The following GRAMD1C variants were observed in gnomAD, a reference collection of about 807,000 sequenced individuals.
GRAMD1C encodes protein Aster-C.
In GRAMD1C, 89 loss-of-function variants were observed where a neutral mutation model predicts 97.8. The observed-to-expected ratio is 0.91, with a 90% confidence interval of 0.77 to 1.09. The LOEUF (loss-of-function observed/expected upper bound fraction) is 1.09, where lower values mean the gene tolerates loss of function less well. Ranked by LOEUF, GRAMD1C falls within the 50% of genes least tolerant of loss-of-function variation. The probability of loss-of-function intolerance (pLI) is 0.00; values close to 1 mark genes in which losing one functional copy is unlikely to be tolerated. For synonymous variants in GRAMD1C, 256 were observed against 267.0 expected (o/e 0.96, Z 0.40); for missense variants, 740 against 766.4 (o/e 0.97, Z 0.41).
At chr3:113,904,485 G>C (rs1408427231) in intron 8 of GRAMD1C, among the ~76,000 whole-genome samples, 2 of 152,146 alleles carry the variant, frequency 1.3e-5, no homozygotes, top group Non-Finnish European at 2.9e-5. Context: ...CAGAGCTACC[G>C]AGCAGTTTTA....
chr3:113,925,268 T>A (rs1321179153), intron 10 of GRAMD1C, among the ~76,000 whole-genome samples: 1 of 152,130 alleles, frequency 6.6e-6, no homozygotes, highest in Non-Finnish European at 1.5e-5. Flanking sequence ...GGCAGGCAGA[T>A]CACAAGGTCA....
chr3:113,855,071 G>A (rs557916289), intron 2 of GRAMD1C, among the ~76,000 whole-genome samples: 5 of 152,280 alleles, frequency 3.3e-5, no homozygotes, highest in South Asian at 2.1e-4. Context: ...CAGCAATTTG[G>A]GGGGCCGAGG....
At chr3:113,923,418 T>G (rs1213005540) in intron 10 of GRAMD1C, among the ~76,000 whole-genome samples, 1 of 152,192 alleles carries the variant, frequency 6.6e-6, no homozygotes, top group Non-Finnish European at 1.5e-5. Flanking sequence ...CATAGGTGAC[T>G]CTTATTATTT....
At chr3:113,853,331 T>C (rs1577127664) in intron 2 of GRAMD1C, among the ~76,000 whole-genome samples, 1 of 152,138 alleles carries the variant, frequency 6.6e-6, no homozygotes, top group Admixed American at 6.5e-5. Context: ...AGAGAAAGTA[T>C]GAAAGAGAGC....
chr3:113,841,326 C>G (rs2108067306), intron 1 of GRAMD1C, among the ~76,000 whole-genome samples: 1 of 122,352 alleles, frequency 8.2e-6, no homozygotes, highest in South Asian at 2.7e-4. Flanking sequence ...TGCTCTGTCG[C>G]CCAGGCTGGA....
chr3:113,843,049 GTTTTTTTTTTTTTTT>G (rs71144092), intron 1 of GRAMD1C, among the ~76,000 whole-genome samples: 1 of 53,402 alleles, frequency 1.9e-5, no homozygotes, highest in African/African-American at 7.0e-5. Flanking sequence ...ACCATAAGCT[GTTTTTTTTTTTTTTT>G]TTTTTTTTTT....
At chr3:113,910,220 A>G (rs1027542383) in intron 9 of GRAMD1C, among the ~76,000 whole-genome samples, 7 of 152,128 alleles carry the variant, frequency 4.6e-5, no homozygotes, top group African/African-American at 1.7e-4. Flanking sequence ...TGTCTCTACT[A>G]AAAATACAAA....
chr3:113,936,118 T>G (rs1937573248), intron 13 of GRAMD1C, 148 bp from the exon 14 acceptor site: 1 of 580,172 alleles, frequency 1.7e-6, no homozygotes, highest in Non-Finnish European at 3.0e-6. Context: ...TCTCTAAAGC[T>G]TTTCATTAAG....
intron 13 of GRAMD1C, among the ~76,000 whole-genome samples, chr3:113,934,941 A>G (rs1453749286): frequency 6.6e-6 from 1 of 151,966 alleles, no homozygotes; most frequent in East Asian, 1.9e-4. Context: ...ACGAGGTTTC[A>G]CCATCTTGGT....
intron 9 of GRAMD1C, 40 bp downstream of exon 9, chr3:113,909,160 G>A: frequency 9.5e-7 from 1 of 1,052,222 alleles, no homozygotes; most frequent in Non-Finnish European, 1.3e-6. Flanking sequence ...TTTCAGTTAT[G>A]TCTTTTTATG....
At chr3:113,918,392 A>G (rs2107345262) in intron 10 of GRAMD1C, among the ~76,000 whole-genome samples, 1 of 152,348 alleles carries the variant, frequency 6.6e-6, no homozygotes, top group South Asian at 2.1e-4. Flanking sequence ...TATGGCTGAA[A>G]AGACCCAGGA....
chr3:113,934,613 T>C (rs1937541880), intron 13 of GRAMD1C, 78 bp downstream of exon 13: 2 of 702,532 alleles, frequency 2.8e-6, no homozygotes, highest in Admixed American at 2.6e-5. Flanking sequence ...TCATTTAGAT[T>C]TGTAACAGAA....
intron 1 of GRAMD1C, among the ~76,000 whole-genome samples, chr3:113,839,488 C>T (rs1425714264): frequency 6.6e-5 from 10 of 152,190 alleles, no homozygotes; most frequent in Admixed American, 6.5e-4. Flanking sequence ...CCTCCTTCTA[C>T]ATTGGTTTGT....
intron 6 of GRAMD1C, chr3:113,897,419 T>G (rs1935987418): frequency 2.4e-6 from 1 of 417,286 alleles, no homozygotes; most frequent in Non-Finnish European, 3.2e-6. Context: ...AACTGTCCCT[T>G]TAATAAAACC....
chr3:113,837,723 A>AAAACAAAC (rs58525780), upstream of GRAMD1C, among the ~76,000 whole-genome samples: 2,293 of 150,040 alleles, frequency 0.015, 46 homozygotes, highest in East Asian at 0.05. Context: ...CCTGTCTCAA[A>AAAACAAAC]AAACAAACAA....
chr3:113,869,629 CATT>C, intron 3 of GRAMD1C, 38 bp downstream of exon 3: 1 of 879,354 alleles, frequency 1.1e-6, no homozygotes, highest in South Asian at 1.5e-5. Flanking sequence ...TTTATTACCT[CATT>C]ATAAAAAGAA....
Position 113,934,433 on chromosome 3 carries a change from G to A in GRAMD1C, c.1354G>A (p.Val452Ile), listed in dbSNP as rs910421634. ...ATTCTTTCCTTCTTATTCTACTAGA[G>A]TTTCCACAGATTTGAAATACAGAAA... ...RSSKQKCRLR[V>I]STDLKYRKQP... Residue 452 changes from valine to isoleucine, a missense_variant and splice_region_variant, in exon 13 of 18, where the codon GTT becomes ATT. Coordinates refer to ENST00000358160, the MANE Select transcript of GRAMD1C (RefSeq NM_017577.5). 3 of 1,409,398 alleles carry A rather than the reference G, an allele frequency of 2.1e-6. No individual in the cohort carries two copies. Among genetic ancestry groups the A allele is most frequent in the African/African-American group, 2.9e-5 (2 of 69,468 alleles). The allele number at this position is 1,409,398 out of a possible 1,614,324, so 87.3% of individuals were successfully genotyped here.
At chr3:113,886,499 A>G (rs975086798) in intron 6 of GRAMD1C, among the ~76,000 whole-genome samples, 3 of 151,950 alleles carry the variant, frequency 2.0e-5, no homozygotes, top group African/African-American at 7.3e-5. Flanking sequence ...GGGCCACTGG[A>G]TTTTCCCTAA....
intron 8 of GRAMD1C, among the ~76,000 whole-genome samples, chr3:113,906,483 A>G (rs753143238): frequency 6.6e-6 from 1 of 152,218 alleles, no homozygotes; most frequent in Non-Finnish European, 1.5e-5. Flanking sequence ...TAAAAATAGA[A>G]AAAAGCTTTT....
Sources: gnomAD v4.1 joint callset for allele counts (sites outside exome capture counted in the v4.1 genomes callset) on GRCh38, gnomAD v4.1.1 for gene constraint, MANE v1.5 for transcripts, NCBI Gene and HGNC (gene_info 2026-07-23, HGNC 2026-07-21) for gene names.